TDP1: variants seen among roughly 807,000 people sequenced by gnomAD.
TDP1 encodes the protein tyr-DNA phosphodiesterase 1.
Under a neutral mutation model 81.5 loss-of-function variants are expected in TDP1, and 64 were observed. The observed-to-expected ratio is 0.79, with a 90% CI of 0.64 to 0.97. The LOEUF is 0.97. Among genes scored for constraint, TDP1 ranks in the 50% least tolerant of loss-of-function variants. TDP1 has a pLI of 0.00. For synonymous variants in TDP1, 256 were observed against 264.3 expected (o/e 0.97, Z 0.30); for missense variants, 723 against 743.8 (o/e 0.97, Z 0.33).
chr14:90,033,576 T>C (rs1887527927), intron 16 of TDP1: 2 of 297,454 alleles, frequency 6.7e-6, no homozygotes, highest in African/African-American at 2.2e-5. Context: ...TAAATTAGTC[T>C]ACACTTGGGC....
At chr14:90,009,941 G>GA (rs909362249) in intron 14 of TDP1, among the ~76,000 whole-genome samples, 61 of 150,902 alleles carry the variant, frequency 4.0e-4, no homozygotes, top group African/African-American at 1.1e-3. Context: ...ATTGATGCAG[G>GA]AAAAAAAAAC....
intron 12 of TDP1, among the ~76,000 whole-genome samples, chr14:89,989,968 T>C (rs1896000861): frequency 6.6e-6 from 1 of 152,208 alleles, no homozygotes; most frequent in African/African-American, 2.4e-5. Flanking sequence ...ACAGAAACCC[T>C]CTGCACAATA....
Position 90,019,398 on chromosome 14 carries a change from C to T in TDP1, c.1624C>T (p.Leu542Phe). 1 of 1,601,536 alleles carries T rather than the reference C, an allele frequency of 6.2e-7. No homozygotes were observed. The highest frequency in any genetic ancestry group is 2.2e-5 in the East Asian group (1 of 44,822). ...LMIRSYELGVLFLPSAFGLDS... is the reference protein window; with the variant it reads ...LMIRSYELGVFFLPSAFGLDS... Reference sequence around the variant, plus strand: ...GATCCGCTCCTACGAGCTCGGGGTCCTTTTCCTCCCTTCAGCATTTGTAAG... The same window carrying T: ...GATCCGCTCCTACGAGCTCGGGGTCTTTTTCCTCCCTTCAGCATTTGTAAG... The change falls in exon 15 of 17, where the codon CTT becomes TTT. Residue 542 changes from leucine (L) to phenylalanine (F), a missense_variant. Leu to Phe is a conservative substitution (Grantham distance 22). Coordinates refer to ENST00000335725, the MANE Select transcript of TDP1 (RefSeq NM_018319.4).
intron 14 of TDP1, among the ~76,000 whole-genome samples, chr14:90,008,397 T>C (rs972089927): frequency 1.3e-5 from 2 of 152,202 alleles, no homozygotes; most frequent in African/African-American, 4.8e-5. Flanking sequence ...GACTGTATTT[T>C]ACTTTTGGAC....
At chr14:90,015,344 T>G (rs1182422311) in intron 14 of TDP1, among the ~76,000 whole-genome samples, 1 of 152,228 alleles carries the variant, frequency 6.6e-6, no homozygotes, top group African/African-American at 2.4e-5. Flanking sequence ...AGTTTACTCT[T>G]AAAAATTTAA....
chr14:90,041,264 C>G (rs1284580710), intron 16 of TDP1, among the ~76,000 whole-genome samples: 2 of 152,170 alleles, frequency 1.3e-5, no homozygotes, highest in Non-Finnish European at 2.9e-5. Context: ...AATGGGGAGT[C>G]AGATCTGTCA....
In TDP1 at chr14:89,963,276, T is replaced by C. The variant is rs1190995487; in HGVS notation, c.162T>C (p.Ala54=). Residue 54 remains alanine, a synonymous_variant, in exon 3 of 17, where the codon GCT becomes GCC. Coordinates refer to ENST00000335725, the MANE Select transcript of TDP1 (RefSeq NM_018319.4). ...PRYTCSEAQK[A]AHKRKISPVK... The stretch of plus-strand genomic sequence containing the variant: ...ACACCTGTTCCGAGGCCCAGAAAGC[T>C]GCACACAAGAGGAAAATATCACCTG... 1 of 1,614,124 alleles carries C rather than the reference T, an allele frequency of 6.2e-7. No homozygotes were observed. Among genetic ancestry groups the C allele is most frequent in the East Asian group, 2.2e-5 (1 of 44,870 alleles).
chr14:90,039,072 T>C (rs1596732002), intron 16 of TDP1, among the ~76,000 whole-genome samples: 1 of 152,334 alleles, frequency 6.6e-6, no homozygotes, highest in East Asian at 1.9e-4. Context: ...AAATCTAGAA[T>C]TGAAATTGAT....
intron 16 of TDP1, among the ~76,000 whole-genome samples, chr14:90,038,084 T>C (rs1888000386): frequency 6.6e-6 from 1 of 152,230 alleles, no homozygotes. Context: ...AGGAGGCACA[T>C]CCTATCGATC....
At chr14:89,998,444 A>T (rs1218325175) in intron 14 of TDP1, among the ~76,000 whole-genome samples, 1 of 131,442 alleles carries the variant, frequency 7.6e-6, no homozygotes, top group African/African-American at 3.3e-5. Context: ...ATGTATGTAT[A>T]TGTATATGTA....
intron 6 of TDP1, chr14:89,975,545 C>G: frequency 2.6e-6 from 2 of 758,662 alleles, no homozygotes; most frequent in South Asian, 6.0e-5. Context: ...AGTATATATT[C>G]TGTAGTGTAT....
intron 14 of TDP1, among the ~76,000 whole-genome samples, chr14:90,010,914 T>C (rs911223399): frequency 1.3e-5 from 2 of 152,158 alleles, no homozygotes; most frequent in African/African-American, 4.8e-5. Flanking sequence ...CAGCGTTCAG[T>C]AGTGATATGG....
At chr14:90,017,911 TG>T (rs1566912362) in intron 14 of TDP1, among the ~76,000 whole-genome samples, 1 of 152,206 alleles carries the variant, frequency 6.6e-6, no homozygotes, top group Non-Finnish European at 1.5e-5. Context: ...TTGTGGTCCT[TG>T]TGCAAAGGTT....
At chr14:90,031,012 A>G (rs1887216495) in intron 15 of TDP1, among the ~76,000 whole-genome samples, 1 of 151,812 alleles carries the variant, frequency 6.6e-6, no homozygotes, top group African/African-American at 2.4e-5. Context: ...ACCTCAAGTG[A>G]TCTGCCTGCC....
At chr14:89,988,151 G>A (rs995893738) in intron 10 of TDP1, among the ~76,000 whole-genome samples, 4 of 152,220 alleles carry the variant, frequency 2.6e-5, no homozygotes, top group African/African-American at 9.6e-5. Context: ...AAGGGGCACA[G>A]AGCTTTCATG....
At chr14:90,032,481 A>G (rs775363644) in intron 15 of TDP1, among the ~76,000 whole-genome samples, 25 of 152,116 alleles carry the variant, frequency 1.6e-4, no homozygotes, top group Middle Eastern at 3.2e-3. Flanking sequence ...AAGCACCTGC[A>G]CTGCGGCAGG....
At chr14:89,973,296 G>C (rs1893868033) in intron 6 of TDP1, among the ~76,000 whole-genome samples, 1 of 152,218 alleles carries the variant, frequency 6.6e-6, no homozygotes. Context: ...AAAGTAAACT[G>C]ACACAGAAAT....
intron 2 of TDP1, among the ~76,000 whole-genome samples, chr14:89,961,779 T>A (rs1892356346): frequency 6.6e-6 from 1 of 152,190 alleles, no homozygotes; most frequent in Non-Finnish European, 1.5e-5. Context: ...AATGTTGAAT[T>A]CTCTTTTTTG....
chr14:89,962,382 A>G (rs781106217), intron 2 of TDP1, among the ~76,000 whole-genome samples: 1 of 152,196 alleles, frequency 6.6e-6, no homozygotes, highest in Non-Finnish European at 1.5e-5. Context: ...GGGTGCCTGT[A>G]CTTGGGTGAA....
Sources: allele counts gnomAD v4.1 joint callset (sites outside exome capture counted in the v4.1 genomes callset), GRCh38; gene constraint gnomAD v4.1.1; transcripts MANE v1.5; gene names NCBI Gene and HGNC (gene_info 2026-07-23, HGNC 2026-07-21).